The following IKZF1 variants were observed in gnomAD, a reference collection of about 807,000 sequenced individuals.
The protein encoded by IKZF1 is DNA-binding protein Ikaros.
IKZF1 carries 10 observed loss-of-function variants against 51.7 expected under a neutral mutation model. The observed-to-expected ratio is 0.19, with a 90% CI of 0.12 to 0.33. The LOEUF (loss-of-function observed/expected upper bound fraction) is 0.33, where lower values mean the gene tolerates loss of function less well. Ranked by LOEUF, IKZF1 falls within the 10% of genes least tolerant of loss-of-function variation. The pLI is 1.00. For missense variants in IKZF1, 484 were observed against 707.5 expected, an observed-to-expected ratio of 0.68 and a Z score of 3.58; for synonymous variants, 280 against 282.3, an observed-to-expected ratio of 0.99 and a Z score of 0.08.
chr7:50,339,623 G>A (rs937164440), intron 3 of IKZF1, among the ~76,000 whole-genome samples: 2 of 152,110 alleles, frequency 1.3e-5, no homozygotes, highest in South Asian at 2.1e-4. Flanking sequence ...GTGTGGTGGC[G>A]TGTGCCTGTA....
intron 3 of IKZF1, among the ~76,000 whole-genome samples, chr7:50,348,123 G>A (rs979782489): frequency 6.6e-6 from 1 of 152,198 alleles, no homozygotes; most frequent in African/African-American, 2.4e-5. Context: ...ATATGCCAGG[G>A]ACATTTCCAA....
chr7:50,360,308 G>C (rs895456718), intron 3 of IKZF1, among the ~76,000 whole-genome samples: 8 of 152,084 alleles, frequency 5.3e-5, no homozygotes. Flanking sequence ...TGTCTGCAGA[G>C]CCTGAGGAGG....
intron 5 of IKZF1, among the ~76,000 whole-genome samples, chr7:50,383,372 A>T (rs926571312): frequency 1.3e-5 from 2 of 152,228 alleles, no homozygotes; most frequent in African/African-American, 4.8e-5. Flanking sequence ...TATCATTCTC[A>T]AAACAGTCTC....
intron 1 of IKZF1, among the ~76,000 whole-genome samples, chr7:50,309,853 T>G (rs961681152): frequency 3.9e-5 from 6 of 152,170 alleles, no homozygotes; most frequent in African/African-American, 1.4e-4. Context: ...GAAATGAGAA[T>G]GAGGAATTGA....
At chr7:50,381,884 A>G (rs951573224) in intron 4 of IKZF1, among the ~76,000 whole-genome samples, 11 of 152,066 alleles carry the variant, frequency 7.2e-5, no homozygotes, top group Admixed American at 2.0e-4. Flanking sequence ...ATTTTATTCA[A>G]TCTTTCTCCA....
chr7:50,357,387 C>G (rs576028207), intron 3 of IKZF1, among the ~76,000 whole-genome samples: 2 of 126,634 alleles, frequency 1.6e-5, no homozygotes, highest in East Asian at 2.7e-4. Context: ...CCTGCTGTAG[C>G]CCCCCACCTC....
intron 3 of IKZF1, among the ~76,000 whole-genome samples, chr7:50,349,190 C>T (rs189795092): frequency 6.6e-6 from 1 of 152,280 alleles, no homozygotes; most frequent in Non-Finnish European, 1.5e-5. Flanking sequence ...ACCAAAAGAT[C>T]AACTATTAGC....
intron 6 of IKZF1, among the ~76,000 whole-genome samples, chr7:50,388,291 G>C (rs1246986025): frequency 3.3e-5 from 5 of 152,236 alleles, no homozygotes; most frequent in Admixed American, 2.6e-4. Flanking sequence ...TAGACTGTGA[G>C]TCGAAATTTA....
chr7:50,362,667 T>A (rs1208646989), intron 3 of IKZF1, among the ~76,000 whole-genome samples: 5 of 152,222 alleles, frequency 3.3e-5, no homozygotes. Flanking sequence ...TATTACCTGC[T>A]GAGAAGTTTA....
intron 3 of IKZF1, among the ~76,000 whole-genome samples, chr7:50,370,497 C>T (rs1808340004): frequency 6.6e-6 from 1 of 152,216 alleles, no homozygotes; most frequent in Non-Finnish European, 1.5e-5. Flanking sequence ...ACCTTCCATA[C>T]AGGGGTGTGG....
intron 3 of IKZF1, among the ~76,000 whole-genome samples, chr7:50,339,884 T>C (rs1798673488): frequency 6.6e-6 from 1 of 152,246 alleles, no homozygotes; most frequent in South Asian, 2.1e-4. Flanking sequence ...GATGTCTAAA[T>C]TACATTAATA....
Position 50,373,948 on chromosome 7 carries a change from G to A in IKZF1, c.161-2585G>A, listed in dbSNP as rs774409249. ...AGCAGGAGGCTGCTCAGATGCTCTC[G>A]GTCTCTGATCTTCAGGATCTGAAGG... On this transcript the variant is annotated intron_variant, in intron 3 of 7. Transcript: ENST00000331340. Among the ~76,000 whole-genome samples the A allele has an allele frequency of 2.6e-5, 4 of 152,114 alleles. No individual in the cohort carries two copies. In the East Asian group the frequency reaches 5.8e-4, roughly 22 times the overall value.
intron 3 of IKZF1, among the ~76,000 whole-genome samples, chr7:50,343,195 C>T (rs1404420581): frequency 9.5e-6 from 1 of 105,036 alleles, no homozygotes; most frequent in African/African-American, 3.8e-5. Context: ...TTCCCCTCGT[C>T]TCCCTTCCCC....
At chr7:50,307,956 A>G (rs987215017) in intron 1 of IKZF1, among the ~76,000 whole-genome samples, 2 of 152,166 alleles carry the variant, frequency 1.3e-5, no homozygotes, top group African/African-American at 2.4e-5. Flanking sequence ...CTTCATGTGG[A>G]CCATGGCTTT....
At chr7:50,349,860 A>G (rs773132617) in intron 3 of IKZF1, among the ~76,000 whole-genome samples, 1 of 152,328 alleles carries the variant, frequency 6.6e-6, no homozygotes, top group South Asian at 2.1e-4. Flanking sequence ...GGGTCTATGA[A>G]AAATAAGGCT....
At chr7:50,332,391 G>C (rs1327309259) in intron 3 of IKZF1, among the ~76,000 whole-genome samples, 2 of 152,104 alleles carry the variant, frequency 1.3e-5, no homozygotes, top group African/African-American at 4.8e-5. Context: ...CAGCCACTAG[G>C]ATTCTATTGA....
chr7:50,400,418 G>A lies in IKZF1; in HGVS notation c.1351G>A (p.Val451Met), dbSNP rs747686881. The A allele has an allele frequency of 6.2e-7, 1 of 1,613,668 alleles. No homozygotes were observed. Among genetic ancestry groups the A allele is most frequent in the African/African-American group, 1.3e-5 (1 of 74,924 alleles). Residue 451 changes from valine to methionine, a missense_variant, in exon 8 of 8, where the codon GTG becomes ATG. Coordinates refer to ENST00000331340, the MANE Select transcript of IKZF1 (RefSeq NM_006060.6). The surrounding 1 kb of genome is among the most constrained non-coding windows in gnomAD (Gnocchi z 5.4). Reference sequence around the variant, plus strand: ...CGAGAACTCGCAGGACGCGCTCCGCGTGGTCAGCACCAGCGGGGAGCAGAT... The same window carrying A: ...CGAGAACTCGCAGGACGCGCTCCGCATGGTCAGCACCAGCGGGGAGCAGAT... ...ASENSQDALR[V>M]VSTSGEQMKV...
At chr7:50,348,084 A>C (rs1800837854) in intron 3 of IKZF1, among the ~76,000 whole-genome samples, 1 of 152,214 alleles carries the variant, frequency 6.6e-6, no homozygotes, top group Admixed American at 6.5e-5. Context: ...ATTTCAAAAG[A>C]ATAAAGAAAA....
chr7:50,369,433 G>A (rs1807987132), intron 3 of IKZF1: 1 of 398,220 alleles, frequency 2.5e-6, no homozygotes. Flanking sequence ...TAAAAGAGAT[G>A]ATATACACTT....
Sources: gnomAD v4.1 joint callset for allele counts (sites outside exome capture counted in the v4.1 genomes callset) on GRCh38, gnomAD v4.1.1 for gene constraint, Gnocchi (gnomAD v3.1) non-coding constraint, MANE v1.5 for transcripts, NCBI Gene and HGNC (gene_info 2026-07-23, HGNC 2026-07-21) for gene names.